Variants in ADAMTSL3 observed in about 807,000 individuals in gnomAD.
The protein encoded by ADAMTSL3 is ADAMTS-like protein 3.
A neutral mutation model predicts 201.7 loss-of-function variants in ADAMTSL3; 128 were observed. The observed-to-expected ratio is 0.63, with a 90% confidence interval of 0.55 to 0.73. ADAMTSL3 has a LOEUF of 0.73. ADAMTSL3 is among the 30% of genes least tolerant of loss of function. The pLI is 0.00. For missense variants in ADAMTSL3, 1,990 were observed against 2,119.6 expected, an observed-to-expected ratio of 0.94 and a Z score of 1.20; for synonymous variants, 738 against 748.4, an observed-to-expected ratio of 0.99 and a Z score of 0.23.
intron 4 of ADAMTSL3, among the ~76,000 whole-genome samples, chr15:83,788,216 A>T (rs866024437): frequency 2.0e-5 from 3 of 152,126 alleles, no homozygotes; most frequent in Middle Eastern, 3.4e-3. Flanking sequence ...TCTAATTTTC[A>T]TTCACTTTAA....
At chr15:83,674,400 C>A (rs1363582766) in intron 2 of ADAMTSL3, among the ~76,000 whole-genome samples, 1 of 151,820 alleles carries the variant, frequency 6.6e-6, no homozygotes, top group African/African-American at 2.4e-5. Context: ...ATTACTTTTG[C>A]TCCTTTGTCA....
At chr15:83,655,982 C>A in intron 2 of ADAMTSL3, 152 bp downstream of exon 2, 1 of 869,266 alleles carries the variant, frequency 1.2e-6, no homozygotes, top group Non-Finnish European at 1.8e-6. Flanking sequence ...AATGGTATTT[C>A]TGGTTGGCTT....
intron 4 of ADAMTSL3, among the ~76,000 whole-genome samples, chr15:83,777,913 ATAG>A (rs1235165713): frequency 1.6e-4 from 24 of 152,052 alleles, no homozygotes; most frequent in African/African-American, 5.8e-4. Context: ...AATAACTAGT[ATAG>A]GAGTGTGTAA....
intron 25 of ADAMTSL3, 63 bp from the exon 26 acceptor site, chr15:84,021,347 C>T: frequency 2.5e-6 from 4 of 1,588,916 alleles, no homozygotes; most frequent in Non-Finnish European, 3.4e-6. Flanking sequence ...TTGGCCATGT[C>T]TTCTCCAGCT....
chr15:83,918,695 C>T (rs777847618), intron 16 of ADAMTSL3, among the ~76,000 whole-genome samples: 8 of 152,122 alleles, frequency 5.3e-5, no homozygotes, highest in Non-Finnish European at 8.8e-5. Flanking sequence ...ACAATTATGG[C>T]CTTACAGGCT....
chr15:83,982,339 T>C lies in ADAMTSL3; in HGVS notation c.2711T>C (p.Val904Ala), dbSNP rs566054305. The C allele has an allele frequency of 6.2e-7, 1 of 1,612,624 alleles. No homozygotes were observed. The highest frequency in any genetic ancestry group is 1.1e-5 in the South Asian group (1 of 90,994). The change falls in exon 21 of 30, where the codon GTC becomes GCC. Residue 904 changes from valine to alanine, a missense_variant. Val to Ala is a moderately conservative substitution (Grantham distance 64, BLOSUM62 0). Transcript: ENST00000286744. ...QGPQILSVQR[V>A]YIQTREEKRI... ...CCGCAGATCCTCAGTGTCCAGAGAG[T>C]CTACATTCAGACAAGGGAAGAGAAG...
At position 84,036,802 on chromosome 15, in the gene ADAMTSL3, G is replaced by T; in HGVS notation, c.4784G>T (p.Gly1595Val). 1 of 1,613,674 alleles carries T rather than the reference G, an allele frequency of 6.2e-7. No individual in the cohort carries two copies. Among genetic ancestry groups the T allele is most frequent in the South Asian group, 1.1e-5 (1 of 91,036 alleles). Reference sequence around the variant, plus strand: ...ACCTTAAGAAGGAACTGCACATCAGGGGCCTGTGATGTGTGTTGGCACACA... The same window carrying T: ...ACCTTAAGAAGGAACTGCACATCAGTGGCCTGTGATGTGTGTTGGCACACA... ...RPTLRRNCTSGACDVCWHTGP... is the reference protein window; with the variant it reads ...RPTLRRNCTSVACDVCWHTGP... Residue 1595 changes from glycine (G) to valine (V), a missense_variant, in exon 29 of 30, where the codon GGG (glycine) becomes GTG (valine). By Grantham distance (109) the Gly-to-Val change is moderately radical (BLOSUM62 -3). Transcript: ENST00000286744.
At chr15:83,672,194 T>C (rs1000620872) in intron 2 of ADAMTSL3, among the ~76,000 whole-genome samples, 4 of 152,206 alleles carry the variant, frequency 2.6e-5, no homozygotes, top group African/African-American at 9.6e-5. Flanking sequence ...GTATAGCTCA[T>C]TTAGGAGTAC....
intron 15 of ADAMTSL3, among the ~76,000 whole-genome samples, chr15:83,903,242 C>CTT (rs3044648): frequency 0.011 from 1,406 of 133,454 alleles, 36 homozygotes; most frequent in African/African-American, 0.037. Context: ...GCTGCCAGAT[C>CTT]TTTTTTTTTT....
intron 6 of ADAMTSL3, among the ~76,000 whole-genome samples, chr15:83,821,879 C>A (rs1245440040): frequency 1.3e-5 from 2 of 148,544 alleles, no homozygotes; most frequent in East Asian, 2.1e-4. Flanking sequence ...GGGCTGACCC[C>A]CCCAACTCCC....
At chr15:83,849,882 C>G (rs2064574477) in intron 7 of ADAMTSL3, among the ~76,000 whole-genome samples, 1 of 152,116 alleles carries the variant, frequency 6.6e-6, no homozygotes, top group Non-Finnish European at 1.5e-5. Flanking sequence ...GAAAAATCCC[C>G]TGTAGTTATA....
At chr15:83,858,231 A>G (rs1353554201) in intron 7 of ADAMTSL3, among the ~76,000 whole-genome samples, 1 of 152,220 alleles carries the variant, frequency 6.6e-6, no homozygotes, top group Non-Finnish European at 1.5e-5. Flanking sequence ...ATCAAAGCAC[A>G]TGGATTGGGC....
chr15:83,688,755 T>C (rs28368311), intron 2 of ADAMTSL3, among the ~76,000 whole-genome samples: 126,893 of 149,010 alleles, frequency 0.85, 53,742 homozygotes, highest in East Asian at 0.96. Context: ...TGCATATATA[T>C]ACACACACAC....
chr15:83,694,341 A>C (rs1309619123), intron 2 of ADAMTSL3: 1 of 152,186 alleles, frequency 6.6e-6, no homozygotes, highest in Non-Finnish European at 1.5e-5. Context: ...GAGTGGCTAG[A>C]CCAGGAGGAG....
At chr15:83,765,912 A>C (rs559992692) in intron 3 of ADAMTSL3, among the ~76,000 whole-genome samples, 4 of 152,358 alleles carry the variant, frequency 2.6e-5, no homozygotes, top group Admixed American at 1.3e-4. Flanking sequence ...TGTGCAAACT[A>C]TACATGTTTG....
chr15:83,738,723 A>G (rs902273663), intron 3 of ADAMTSL3, among the ~76,000 whole-genome samples: 1 of 151,792 alleles, frequency 6.6e-6, no homozygotes, highest in African/African-American at 2.4e-5. Context: ...GTGAAACCCT[A>G]TCTCTATTAA....
chr15:83,927,178 ACAGT>A (rs1220653860), intron 17 of ADAMTSL3, among the ~76,000 whole-genome samples: 7 of 150,516 alleles, frequency 4.7e-5, no homozygotes, highest in Non-Finnish European at 8.9e-5. Context: ...GTGCAATGGC[ACAGT>A]CTCGGCCCAC....
chr15:83,801,657 T>TATATATATATATATATATATAAATATAA (rs2063520726), intron 4 of ADAMTSL3, among the ~76,000 whole-genome samples: 4 of 33,140 alleles, frequency 1.2e-4, no homozygotes, highest in Non-Finnish European at 2.0e-4. Flanking sequence ...TATAAATATA[T>TATATATATATATATATATATAAATATAA]ATATATATAT....
chr15:83,692,258 G>T (rs2061619078), intron 2 of ADAMTSL3, among the ~76,000 whole-genome samples: 1 of 150,372 alleles, frequency 6.7e-6, no homozygotes, highest in Non-Finnish European at 1.5e-5. Flanking sequence ...TTTTTAAGAA[G>T]TCTTTAATAT....
Sources: gnomAD v4.1 joint callset for allele counts (sites outside exome capture counted in the v4.1 genomes callset) on GRCh38, gnomAD v4.1.1 for gene constraint, MANE v1.5 for transcripts, NCBI Gene and HGNC (gene_info 2026-07-23, HGNC 2026-07-21) for gene names.